The following FGD5 variants were observed in gnomAD, a reference collection of about 807,000 sequenced individuals.
FGD5 encodes FYVE, RhoGEF and PH domain containing 5.
In FGD5, 28 loss-of-function variants were observed where a neutral mutation model predicts 133.4. The ratio of observed to expected loss-of-function variants is 0.21; its 90% CI spans 0.16 to 0.29. The LOEUF (loss-of-function observed/expected upper bound fraction) is 0.29. Ranked by LOEUF, FGD5 falls within the 10% of genes least tolerant of loss-of-function variation. The probability of loss-of-function intolerance (pLI) is 1.00; values close to 1 mark genes in which losing one functional copy is unlikely to be tolerated. For missense variants in FGD5, 1,858 were observed against 1,895.2 expected, an observed-to-expected ratio of 0.98 and a Z score of 0.36; for synonymous variants, 810 against 776.5, an observed-to-expected ratio of 1.04 and a Z score of -0.72.
chr3:14,834,941 T>G (rs974762695), intron 1 of FGD5, among the ~76,000 whole-genome samples: 4 of 152,192 alleles, frequency 2.6e-5, no homozygotes, highest in Non-Finnish European at 5.9e-5. Context: ...GTGATATCAT[T>G]AATCCTCCCA....
intron 1 of FGD5, among the ~76,000 whole-genome samples, chr3:14,849,121 C>G (rs552496891): frequency 1.3e-5 from 2 of 152,184 alleles, no homozygotes; most frequent in African/African-American, 4.8e-5. Flanking sequence ...GAGGCCCTTC[C>G]GTTCTGGGCC....
At chr3:14,871,185 C>G (rs1383946358) in intron 2 of FGD5, among the ~76,000 whole-genome samples, 1 of 152,200 alleles carries the variant, frequency 6.6e-6, no homozygotes, top group African/African-American at 2.4e-5. Flanking sequence ...TAGTCTTGTT[C>G]TTCATTCCTC....
intron 2 of FGD5, among the ~76,000 whole-genome samples, chr3:14,866,266 C>A (rs1269217068): frequency 2.0e-5 from 3 of 152,086 alleles, no homozygotes; most frequent in Admixed American, 2.0e-4. Flanking sequence ...AATGGGAACA[C>A]AAATGTGAGA....
At chr3:14,902,189 A>G (rs530985784) in intron 9 of FGD5, among the ~76,000 whole-genome samples, 2 of 151,700 alleles carry the variant, frequency 1.3e-5, no homozygotes, top group Admixed American at 1.3e-4. Flanking sequence ...GGCTGAGGCT[A>G]GAGAATCGCT....
In FGD5 at chr3:14,822,627, C is replaced by T. The variant is rs541007017; in HGVS notation, c.2525+1031C>T. 2.6e-5 allele frequency among the ~76,000 whole-genome samples: 4 copies of T among 152,176 alleles called. No homozygotes were observed. The South Asian group carries it at 8.3e-4, about 32-fold the overall frequency. On this transcript the variant is annotated intron_variant, in intron 1 of 19. Transcript: ENST00000285046. ...ATTGATCATCCCGAGTGGATAATTG[C>T]CAAATCTTGCCATTCCTTATGGAAT...
intron 1 of FGD5, 29 bp from the exon 2 acceptor site, chr3:14,864,099 T>C (rs1004319407): frequency 1.2e-5 from 19 of 1,604,434 alleles, no homozygotes; most frequent in Non-Finnish European, 1.5e-5. Flanking sequence ...CAAAAAGCTT[T>C]AACCCTTCTT....
chr3:14,847,502 C>T (rs2037072809), intron 1 of FGD5, among the ~76,000 whole-genome samples: 1 of 152,194 alleles, frequency 6.6e-6, no homozygotes, highest in Admixed American at 6.5e-5. Flanking sequence ...AGAGTCTGTC[C>T]TGGTTGGAGC....
At chr3:14,812,785 G>A (rs2036313019) in intron 1 of FGD5, among the ~76,000 whole-genome samples, 1 of 152,088 alleles carries the variant, frequency 6.6e-6, no homozygotes, top group Non-Finnish European at 1.5e-5. Flanking sequence ...AAATGGGGTT[G>A]GTAAGATTAA....
chr3:14,821,333 G>A lies in FGD5; in HGVS notation c.2262G>A (p.Leu754=), dbSNP rs755055297. The change falls in exon 1 of 20, where the codon CTG becomes CTA. Residue 754 remains leucine, a synonymous_variant. Coordinates refer to ENST00000285046, the MANE Select transcript of FGD5 (RefSeq NM_152536.4). ...SFEDRSRPPF[L]PLPLTKPRSI... Reference sequence around the variant, plus strand: ...AAGACCGCTCCCGGCCGCCCTTCCTGCCCTTGCCACTGACCAAGCCACGGT... The same window carrying A: ...AAGACCGCTCCCGGCCGCCCTTCCTACCCTTGCCACTGACCAAGCCACGGT... 1.2e-6 allele frequency: 2 copies of A among 1,613,920 alleles called. No homozygotes were observed. Among genetic ancestry groups the A allele is most frequent in the Non-Finnish European group, 1.7e-6 (2 of 1,179,884 alleles).
At chr3:14,825,719 A>C (rs2036587304) in intron 1 of FGD5, among the ~76,000 whole-genome samples, 1 of 152,198 alleles carries the variant, frequency 6.6e-6, no homozygotes, top group Admixed American at 6.5e-5. Context: ...CTTAAAAAAA[A>C]AAAGTTTTCA....
At chr3:14,822,380 C>T (rs780651111) in intron 1 of FGD5, among the ~76,000 whole-genome samples, 12 of 152,010 alleles carry the variant, frequency 7.9e-5, no homozygotes, top group Admixed American at 3.3e-4. Context: ...AGTAAATATA[C>T]ACTGTATTCA....
intron 1 of FGD5, among the ~76,000 whole-genome samples, chr3:14,813,693 C>T (rs1287066175): frequency 2.6e-5 from 4 of 151,832 alleles, no homozygotes; most frequent in South Asian, 4.2e-4. Context: ...AGCCGAGGCC[C>T]GAAAAGGGGA....
chr3:14,897,756 C>T (rs1377854315), intron 5 of FGD5, 87 bp downstream of exon 5: 4 of 1,475,248 alleles, frequency 2.7e-6, no homozygotes, highest in Non-Finnish European at 3.6e-6. Flanking sequence ...GAAATAGTAT[C>T]TCCATTTGAT....
At chr3:14,901,730 G>A (rs1000361380) in intron 9 of FGD5, among the ~76,000 whole-genome samples, 2 of 152,224 alleles carry the variant, frequency 1.3e-5, no homozygotes, top group Non-Finnish European at 2.9e-5. Flanking sequence ...GTGTGCCGAG[G>A]AGGTGCTATA....
intron 4 of FGD5, among the ~76,000 whole-genome samples, chr3:14,894,872 GT>G (rs761102592): frequency 4.6e-5 from 7 of 151,994 alleles, no homozygotes; most frequent in Non-Finnish European, 7.4e-5. Context: ...GCCAACATCT[GT>G]TATTGCGTGT....
chr3:14,859,874 C>T (rs1005144880), intron 1 of FGD5, among the ~76,000 whole-genome samples: 10 of 144,022 alleles, frequency 6.9e-5, no homozygotes, highest in African/African-American at 1.8e-4. Flanking sequence ...CATTACAACT[C>T]GAACCACTCC....
chr3:14,901,081 C>T lies in FGD5; in HGVS notation c.3264+20C>T. On this transcript the variant is annotated intron_variant, in intron 9 of 19. Coordinates refer to ENST00000285046, the MANE Select transcript of FGD5 (RefSeq NM_152536.4). ...CAAGGGGTGAGTGCGGCCTGGCGGC[C>T]CCCTTCCTCAGACACAGGTTCCAGG... The T allele has an allele frequency of 6.2e-7, 1 of 1,613,946 alleles. No homozygotes were observed. Among genetic ancestry groups the T allele is most frequent in the Non-Finnish European group, 8.5e-7 (1 of 1,179,802 alleles).
chr3:14,844,003 G>A (rs536165796), intron 1 of FGD5, among the ~76,000 whole-genome samples: 115 of 149,860 alleles, frequency 7.7e-4, no homozygotes, highest in African/African-American at 2.6e-3. Context: ...CTCCCAGGGC[G>A]CTTTTCTAAC....
In FGD5 at chr3:14,820,080, G is replaced by C; in HGVS notation, c.1009G>C (p.Asp337His). Reference protein sequence around the residue: ...IVPFENDCMEDFVTSLTGSPY... With the variant: ...IVPFENDCMEHFVTSLTGSPY... ...CCCTTTTGAGAATGACTGCATGGAGGACTTCGTGACTTCCCTCACAGGAAG... is the reference window on the plus strand; with the variant it reads ...CCCTTTTGAGAATGACTGCATGGAGCACTTCGTGACTTCCCTCACAGGAAG... The change falls in exon 1 of 20, where the codon GAC becomes CAC. Residue 337 changes from aspartate (D) to histidine (H), a missense_variant. Physicochemically the swap from Asp to His is moderately conservative, Grantham distance 81. This residue lies in a region of FGD5 where 1,824 missense variants were observed against 1,848.9 expected (regional missense o/e 0.99). Coordinates refer to ENST00000285046, the MANE Select transcript of FGD5 (RefSeq NM_152536.4). 3.1e-6 allele frequency: 5 copies of C among 1,614,040 alleles called. No individual in the cohort carries two copies. Among genetic ancestry groups the C allele is most frequent in the Non-Finnish European group, 4.2e-6 (5 of 1,179,900 alleles).
Sources: gnomAD v4.1 joint callset for allele counts (sites outside exome capture counted in the v4.1 genomes callset) on GRCh38, gnomAD v4.1.1 for gene constraint, gnomAD v4.1.1 regional missense constraint, MANE v1.5 for transcripts, NCBI Gene and HGNC (gene_info 2026-07-23, HGNC 2026-07-21) for gene names.